Variants in EBF1 observed in about 807,000 individuals in gnomAD.
EBF1 encodes transcription factor COE1.
A neutral mutation model predicts 68.4 loss-of-function variants in EBF1; 10 were observed. The observed-to-expected ratio is 0.15, with a 90% CI of 0.09 to 0.25. EBF1 has a LOEUF of 0.25. EBF1 is among the 10% of genes least tolerant of loss of function. EBF1 has a pLI of 1.00. For synonymous variants in EBF1, 298 were observed against 299.8 expected, an observed-to-expected ratio of 0.99 and a Z score of 0.06; for missense variants, 509 against 794.4, an observed-to-expected ratio of 0.64 and a Z score of 4.32.
intron 6 of EBF1, among the ~76,000 whole-genome samples, chr5:158,934,605 G>A (rs1037865412): frequency 1.3e-5 from 2 of 152,214 alleles, no homozygotes; most frequent in African/African-American, 4.8e-5. Context: ...TATTTGGAAA[G>A]AGTACAGAGT....
chr5:158,921,823 T>C (rs899052516), intron 6 of EBF1, among the ~76,000 whole-genome samples: 4 of 152,220 alleles, frequency 2.6e-5, no homozygotes, highest in African/African-American at 7.2e-5. Flanking sequence ...CCTTATGACA[T>C]GGCCAGAACC....
At position 158,815,082 on chromosome 5, in the gene EBF1, T is replaced by C. The variant is rs535904562; in HGVS notation, c.778+8094A>G. On this transcript the variant is annotated intron_variant, in intron 8 of 15. Coordinates refer to ENST00000313708, the MANE Select transcript of EBF1 (RefSeq NM_024007.5). The stretch of plus-strand genomic sequence containing the variant: ...ATGGAAGGAATTTCTCATACTGTAA[T>C]GTAACAGAGCAGTAGATTAGAGTGC... Among the ~76,000 whole-genome samples, 6 of 152,324 alleles carry C rather than the reference T, an allele frequency of 3.9e-5. No homozygotes were observed. In the East Asian group the frequency reaches 7.7e-4, roughly 20 times the overall value.
chr5:158,701,446 A>G (rs895778571), intron 15 of EBF1, among the ~76,000 whole-genome samples: 1 of 152,148 alleles, frequency 6.6e-6, no homozygotes, highest in Non-Finnish European at 1.5e-5. Context: ...TTAGGGCCAC[A>G]TTAAAAGTTC....
At chr5:158,873,360 C>G (rs1028778743) in intron 6 of EBF1, among the ~76,000 whole-genome samples, 1 of 152,188 alleles carries the variant, frequency 6.6e-6, no homozygotes, top group Non-Finnish European at 1.5e-5. Context: ...ATAGAATACA[C>G]AGCTCTCTAG....
chr5:158,999,772 A>C (rs943586168), intron 6 of EBF1, among the ~76,000 whole-genome samples: 2 of 152,228 alleles, frequency 1.3e-5, no homozygotes, highest in Middle Eastern at 3.2e-3. Flanking sequence ...ATTTTAACGA[A>C]GCCTCTATCC....
At chr5:158,894,509 A>T (rs1291803049) in intron 6 of EBF1, among the ~76,000 whole-genome samples, 1 of 152,190 alleles carries the variant, frequency 6.6e-6, no homozygotes, top group Non-Finnish European at 1.5e-5. Context: ...GTTAAGTTCC[A>T]TCAAGTGGCA....
At chr5:158,819,794 G>A (rs1247243402) in intron 8 of EBF1, among the ~76,000 whole-genome samples, 4 of 152,112 alleles carry the variant, frequency 2.6e-5, no homozygotes, top group African/African-American at 9.7e-5. Flanking sequence ...TAGGCTAAAT[G>A]GTCCCATAAA....
chr5:158,858,741 C>A (rs1245828651), intron 6 of EBF1, among the ~76,000 whole-genome samples: 1 of 152,094 alleles, frequency 6.6e-6, no homozygotes, highest in Non-Finnish European at 1.5e-5. Context: ...TTAAAACGTG[C>A]CTCTATATTT....
chr5:158,765,278 A>G (rs1053357834), intron 10 of EBF1, among the ~76,000 whole-genome samples: 2 of 152,160 alleles, frequency 1.3e-5, no homozygotes, highest in Admixed American at 6.5e-5. Flanking sequence ...CTTGCTGAAA[A>G]CAGATTATTC....
At chr5:158,790,441 A>G (rs1422650223) in intron 9 of EBF1, among the ~76,000 whole-genome samples, 3 of 152,148 alleles carry the variant, frequency 2.0e-5, no homozygotes, top group South Asian at 2.1e-4. Flanking sequence ...CTCCATTAAC[A>G]TGAAATCAAA....
chr5:158,941,444 T>C (rs1479675872), intron 6 of EBF1, among the ~76,000 whole-genome samples: 3 of 152,116 alleles, frequency 2.0e-5, no homozygotes, highest in Admixed American at 6.5e-5. Context: ...GTCTCTGTCC[T>C]CCTCCTAAAC....
chr5:158,908,075 A>G (rs1035552886), intron 6 of EBF1, among the ~76,000 whole-genome samples: 4 of 152,168 alleles, frequency 2.6e-5, no homozygotes, highest in Admixed American at 1.3e-4. Flanking sequence ...ACTGAGCTGG[A>G]GTTTGGCAAC....
At chr5:158,939,858 C>T (rs538521510) in intron 6 of EBF1, among the ~76,000 whole-genome samples, 25 of 152,260 alleles carry the variant, frequency 1.6e-4, no homozygotes, top group African/African-American at 6.0e-4. Flanking sequence ...CAGGATCCCA[C>T]AGAGGCGCAC....
At chr5:159,093,710 T>A (rs1164829094) in intron 4 of EBF1, among the ~76,000 whole-genome samples, 1 of 152,138 alleles carries the variant, frequency 6.6e-6, no homozygotes, top group Non-Finnish European at 1.5e-5. Context: ...AATGGGAAAA[T>A]CAATTAGTAG....
At chr5:159,030,872 C>T (rs181770005) in intron 6 of EBF1, among the ~76,000 whole-genome samples, 4 of 152,084 alleles carry the variant, frequency 2.6e-5, no homozygotes, top group East Asian at 3.9e-4. Context: ...GTTGTGGGGC[C>T]GTGAAGTATG....
intron 6 of EBF1, among the ~76,000 whole-genome samples, chr5:159,033,242 G>A (rs1769304275): frequency 6.6e-6 from 1 of 152,206 alleles, no homozygotes; most frequent in South Asian, 2.1e-4. Flanking sequence ...CGCAGCACAG[G>A]AAAGGCAGAT....
intron 6 of EBF1, among the ~76,000 whole-genome samples, chr5:159,004,326 C>T (rs1038579198): frequency 2.0e-5 from 3 of 151,306 alleles, no homozygotes; most frequent in African/African-American, 7.3e-5. Flanking sequence ...TTTGAGGTCT[C>T]ATTTCCTCCT....
intron 6 of EBF1, among the ~76,000 whole-genome samples, chr5:158,912,517 A>T (rs1345615678): frequency 6.6e-6 from 1 of 152,170 alleles, no homozygotes; most frequent in Non-Finnish European, 1.5e-5. Flanking sequence ...TTAAGAATAC[A>T]GATTCTCAAG....
intron 6 of EBF1, among the ~76,000 whole-genome samples, chr5:158,931,789 C>T (rs1036742829): frequency 1.3e-5 from 2 of 152,130 alleles, no homozygotes; most frequent in Non-Finnish European, 2.9e-5. Context: ...GCAGCTAATA[C>T]TCTAGGAGGC....
Sources: allele counts gnomAD v4.1 joint callset (sites outside exome capture counted in the v4.1 genomes callset), GRCh38; gene constraint gnomAD v4.1.1; transcripts MANE v1.5; gene names NCBI Gene and HGNC (gene_info 2026-07-23, HGNC 2026-07-21).